RBFOX1: variants seen among roughly 807,000 people sequenced by gnomAD.
RBFOX1 encodes RNA binding fox-1 homolog 1.
In RBFOX1, 8 loss-of-function variants were observed where a neutral mutation model predicts 57.7. The ratio of observed to expected loss-of-function variants is 0.14; its 90% CI spans 0.08 to 0.25. The LOEUF (loss-of-function observed/expected upper bound fraction) is 0.25, where lower values mean the gene tolerates loss of function less well. RBFOX1 is among the 10% of genes least tolerant of loss of function. The pLI, the probability that RBFOX1 is intolerant of heterozygous loss-of-function variation, is 1.00. For missense variants in RBFOX1, 611 were observed against 548.5 expected (o/e 1.11, Z -1.14); for synonymous variants, 326 against 222.4 (o/e 1.47, Z -4.15).
intron 14 of RBFOX1, chr16:7,693,272 C>T (rs55678378): frequency 6.4e-7 from 1 of 1,570,552 alleles, no homozygotes; most frequent in African/African-American, 1.4e-5. Context: ...GAGCACATTT[C>T]CCCCTGAGCG....
At chr16:6,630,736 A>C (rs1355217414) in intron 2 of RBFOX1, among the ~76,000 whole-genome samples, 1 of 152,148 alleles carries the variant, frequency 6.6e-6, no homozygotes, top group Non-Finnish European at 1.5e-5. Flanking sequence ...TTTAAGCTGG[A>C]ATTTATGATG....
chr16:5,551,635 C>G lies in RBFOX1; in HGVS notation c.259-47267C>G, dbSNP rs376358452. ...GTCCCCTGGGCCTGGGTTCAAATCT[C>G]AGCTCTTTTTTTTAACCTTACGTTC... On this transcript the variant is annotated intron_variant, in intron 2 of 2. Coordinates refer to the RBFOX1 transcript ENST00000585867. 3.6e-4 allele frequency among the ~76,000 whole-genome samples: 55 copies of G among 152,242 alleles called. No homozygotes were observed. The East Asian group carries it at 5.0e-3, about 14-fold the overall frequency.
chr16:5,461,425 G>C (rs1379148007), intron 1 of RBFOX1, among the ~76,000 whole-genome samples: 1 of 148,534 alleles, frequency 6.7e-6, no homozygotes, highest in Non-Finnish European at 1.5e-5. Context: ...CAGGCTGGCA[G>C]GGAGGGCAGG....
chr16:5,240,223 G>A (rs1213250173), intron 1 of RBFOX1: 3 of 645,324 alleles, frequency 4.6e-6, no homozygotes, highest in Admixed American at 2.2e-5. Context: ...GTAACTGAGT[G>A]GCAACTCCGG....
chr16:6,935,213 A>G (rs1218620920), intron 3 of RBFOX1, among the ~76,000 whole-genome samples: 2 of 152,172 alleles, frequency 1.3e-5, no homozygotes, highest in African/African-American at 2.4e-5. Flanking sequence ...CTCAGAGTGT[A>G]TGGTCAGAAT....
intron 1 of RBFOX1, among the ~76,000 whole-genome samples, chr16:6,162,639 C>T (rs1442486661): frequency 2.0e-5 from 3 of 152,114 alleles, no homozygotes; most frequent in African/African-American, 7.2e-5. Flanking sequence ...TCAAGGGAGA[C>T]ATTTAACCCC....
chr16:7,152,831 G>A (rs1009940445), intron 4 of RBFOX1, among the ~76,000 whole-genome samples: 2 of 152,304 alleles, frequency 1.3e-5, no homozygotes, highest in South Asian at 4.1e-4. Flanking sequence ...ACAATGGAAG[G>A]TGGGTGGCAC....
chr16:6,675,101 TC>T (rs922036458), intron 3 of RBFOX1, among the ~76,000 whole-genome samples: 17 of 152,122 alleles, frequency 1.1e-4, no homozygotes, highest in African/African-American at 4.1e-4. Flanking sequence ...AGATGGGGTT[TC>T]ACCATGTTGG....
intron 1 of RBFOX1, among the ~76,000 whole-genome samples, chr16:6,143,630 T>A (rs1297984270): frequency 6.6e-6 from 1 of 152,186 alleles, no homozygotes; most frequent in East Asian, 1.9e-4. Flanking sequence ...AAATCATGCA[T>A]GTATCTTATA....
At chr16:6,598,919 C>G (rs1193011343) in intron 2 of RBFOX1, among the ~76,000 whole-genome samples, 1 of 151,916 alleles carries the variant, frequency 6.6e-6, no homozygotes, top group South Asian at 2.1e-4. Flanking sequence ...GCACTCCAGC[C>G]TGTGTAACAG....
intron 14 of RBFOX1, among the ~76,000 whole-genome samples, chr16:7,690,027 C>G (rs2076979329): frequency 6.6e-6 from 1 of 152,114 alleles, no homozygotes; most frequent in Non-Finnish European, 1.5e-5. Flanking sequence ...GGAAGAGATT[C>G]AGTGATTCAA....
At chr16:6,297,042 C>G (rs910290741) in intron 1 of RBFOX1, among the ~76,000 whole-genome samples, 7 of 152,136 alleles carry the variant, frequency 4.6e-5, no homozygotes, top group Non-Finnish European at 5.9e-5. Flanking sequence ...CATGCCTCCC[C>G]TTTTTAGACC....
intron 1 of RBFOX1, among the ~76,000 whole-genome samples, chr16:6,225,289 G>A (rs1345006746): frequency 1.3e-5 from 2 of 152,092 alleles, no homozygotes; most frequent in African/African-American, 4.8e-5. Context: ...AAAAGCTGCA[G>A]GGTTTGATGT....
At chr16:5,908,095 T>TATATATATATAC (rs1567133450) in intron 4 of RBFOX1, among the ~76,000 whole-genome samples, 3 of 139,888 alleles carry the variant, frequency 2.1e-5, no homozygotes, top group African/African-American at 9.0e-5. Context: ...TACACATATA[T>TATATATATATAC]ACACATATAT....
chr16:7,202,613 C>T (rs994029527), intron 4 of RBFOX1, among the ~76,000 whole-genome samples: 1 of 152,214 alleles, frequency 6.6e-6, no homozygotes, highest in Non-Finnish European at 1.5e-5. Flanking sequence ...ACAGCCACTC[C>T]TCATTGCTTG....
At chr16:7,371,458 G>A (rs1471716756) in intron 4 of RBFOX1, among the ~76,000 whole-genome samples, 2 of 152,154 alleles carry the variant, frequency 1.3e-5, no homozygotes, top group Admixed American at 6.5e-5. Flanking sequence ...GTATAGATAT[G>A]CACATATATG....
chr16:7,377,086 T>A (rs988036959), intron 4 of RBFOX1, among the ~76,000 whole-genome samples: 1 of 152,244 alleles, frequency 6.6e-6, no homozygotes, highest in Non-Finnish European at 1.5e-5. Context: ...CAGTTTCCAC[T>A]TCTTTTTCAT....
At chr16:7,138,970 A>C (rs917435194) in intron 4 of RBFOX1, among the ~76,000 whole-genome samples, 1 of 151,904 alleles carries the variant, frequency 6.6e-6, no homozygotes, top group African/African-American at 2.4e-5. Context: ...CACCTAGTTA[A>C]TTTTTATATT....
chr16:6,846,955 A>G (rs1323784578), intron 3 of RBFOX1, among the ~76,000 whole-genome samples: 4 of 151,654 alleles, frequency 2.6e-5, no homozygotes, highest in African/African-American at 4.8e-5. Context: ...CAGTTTTACC[A>G]TGTCTTTGGG....
Sources: gnomAD v4.1 joint callset for allele counts (sites outside exome capture counted in the v4.1 genomes callset) on GRCh38, gnomAD v4.1.1 for gene constraint, MANE v1.5 for transcripts, NCBI Gene and HGNC (gene_info 2026-07-23, HGNC 2026-07-21) for gene names.